The following ARMC3 variants were observed in gnomAD, a reference collection of about 807,000 sequenced individuals.
ARMC3 encodes the protein armadillo repeat-containing protein 3.
A neutral mutation model predicts 90.3 loss-of-function variants in ARMC3; 74 were observed. The observed-to-expected ratio is 0.82, with a 90% confidence interval of 0.68 to 0.99. The LOEUF is 0.99. Among genes scored for constraint, ARMC3 ranks in the 50% least tolerant of loss-of-function variants. The pLI is 0.00. For synonymous variants in ARMC3, 334 were observed against 361.8 expected (o/e 0.92, Z 0.87); for missense variants, 958 against 1,042.8 (o/e 0.92, Z 1.12).
chr10:22,956,058 T>A (rs891067930), intron 4 of ARMC3, 126 bp downstream of exon 4: 6 of 954,660 alleles, frequency 6.3e-6, no homozygotes, highest in South Asian at 5.5e-5. Flanking sequence ...CAAAAACATT[T>A]TATCAGTATA....
chr10:23,010,514 C>T, intron 16 of ARMC3, among the ~76,000 whole-genome samples: 2 of 84,870 alleles, frequency 2.4e-5, no homozygotes, highest in African/African-American at 4.8e-5. Context: ...TCCTTCCCTT[C>T]CCATCTCTCC....
intron 3 of ARMC3, among the ~76,000 whole-genome samples, chr10:22,954,000 C>T (rs1352592248): frequency 6.6e-6 from 1 of 152,136 alleles, no homozygotes; most frequent in Non-Finnish European, 1.5e-5. Flanking sequence ...ATGAGGGTTC[C>T]AGTTTCTCTC....
chr10:22,991,035 A>G lies in ARMC3; in HGVS notation c.1176-7113A>G, dbSNP rs549442646. On this transcript the variant is annotated intron_variant, in intron 10 of 18. Coordinates refer to ENST00000298032, the MANE Select transcript of ARMC3 (RefSeq NM_173081.5). ...TGCCTCCTCCTCCTTCTCATTTTCC[A>G]TTCCCTAAGGAATGATGTCCTAAAG... 2.7e-4 allele frequency among the ~76,000 whole-genome samples: 41 copies of G among 151,056 alleles called. No individual in the cohort carries two copies. The South Asian group carries it at 4.8e-3, about 18-fold the overall frequency.
At chr10:23,021,214 T>G (rs943791526) in intron 16 of ARMC3, among the ~76,000 whole-genome samples, 1 of 152,238 alleles carries the variant, frequency 6.6e-6, no homozygotes, top group African/African-American at 2.4e-5. Flanking sequence ...AAGTCCACTG[T>G]TGATGGACAT....
intron 16 of ARMC3, among the ~76,000 whole-genome samples, chr10:23,018,720 A>G (rs12249666): frequency 0.11 from 16,084 of 151,812 alleles, 1,119 homozygotes; most frequent in African/African-American, 0.2. Context: ...GTTTCACCAC[A>G]TTAGCCAGGA....
rs1021799106 is a variant in ARMC3 at position 22,968,333 on chromosome 10, C to T, written c.760C>T (p.Leu254Phe). Reference sequence around the variant, plus strand: ...ATTGAATGACCTTCATATAGAAGCACTTGCAGTGATAGCCAATTGCCTTGA... The same window carrying T: ...ATTGAATGACCTTCATATAGAAGCATTTGCAGTGATAGCCAATTGCCTTGA... ...KELNDLHIEA[L>F]AVIANCLEDM... Residue 254 changes from leucine to phenylalanine, a missense_variant, in exon 8 of 19, where the codon CTT (leucine) becomes TTT (phenylalanine). Transcript: ENST00000298032. The T allele has an allele frequency of 2.4e-5, 38 of 1,613,976 alleles. No individual in the cohort carries two copies. The highest frequency in any genetic ancestry group is 3.0e-5 in the Non-Finnish European group (35 of 1,179,900).
chr10:23,014,164 G>A (rs1167154732), intron 16 of ARMC3: 1 of 1,483,350 alleles, frequency 6.7e-7, no homozygotes, highest in Non-Finnish European at 8.9e-7. Context: ...GTTGGCATGA[G>A]GAGAACACAG....
chr10:22,955,591 C>T (rs1834900327), intron 3 of ARMC3, among the ~76,000 whole-genome samples: 1 of 152,086 alleles, frequency 6.6e-6, no homozygotes, highest in Non-Finnish European at 1.5e-5. Context: ...GAGCTCAGAA[C>T]TGAAGACAAG....
chr10:22,991,493 CATTAT>C (rs1404672088), intron 10 of ARMC3, among the ~76,000 whole-genome samples: 1 of 151,590 alleles, frequency 6.6e-6, no homozygotes, highest in Non-Finnish European at 1.5e-5. Flanking sequence ...ATGATTCTAC[CATTAT>C]CTGGGTATCC....
chr10:23,034,939 A>G (rs1839067226), intron 18 of ARMC3, among the ~76,000 whole-genome samples: 1 of 152,250 alleles, frequency 6.6e-6, no homozygotes, highest in African/African-American at 2.4e-5. Flanking sequence ...GTATGTGATT[A>G]GTAGCCAGCT....
chr10:22,969,096 C>T (rs1835571785), intron 8 of ARMC3, among the ~76,000 whole-genome samples: 1 of 152,120 alleles, frequency 6.6e-6, no homozygotes, highest in South Asian at 2.1e-4. Context: ...AACCTGAGAG[C>T]ATTGAAGAAA....
intron 10 of ARMC3, among the ~76,000 whole-genome samples, chr10:22,985,621 C>T (rs189042397): frequency 2.6e-5 from 4 of 152,266 alleles, no homozygotes; most frequent in African/African-American, 4.8e-5. Context: ...TTCTCAGAGG[C>T]CATTCCCTAC....
At chr10:22,963,232 T>G (rs1023110846) in intron 7 of ARMC3, among the ~76,000 whole-genome samples, 1 of 152,182 alleles carries the variant, frequency 6.6e-6, no homozygotes, top group African/African-American at 2.4e-5. Flanking sequence ...ATCTATAAAA[T>G]GAAAGTATTG....
At chr10:22,980,104 T>C (rs1156837386) in intron 8 of ARMC3, among the ~76,000 whole-genome samples, 2 of 152,158 alleles carry the variant, frequency 1.3e-5, no homozygotes, top group Non-Finnish European at 2.9e-5. Context: ...TTTCTGAAAA[T>C]ATTTCTGAAA....
At chr10:22,985,750 A>G (rs1273890725) in intron 10 of ARMC3, among the ~76,000 whole-genome samples, 1 of 152,198 alleles carries the variant, frequency 6.6e-6, no homozygotes, top group African/African-American at 2.4e-5. Context: ...CCTTTTACTT[A>G]CAAATGGGCT....
rs138508407 is a variant in ARMC3, at chr10:22,953,457, C to T, written c.167-2350C>T. 4.0e-4 allele frequency among the ~76,000 whole-genome samples: 61 copies of T among 152,178 alleles called. No homozygotes were observed. The East Asian group carries it at 0.011, about 28-fold the overall frequency. ...GATCATCTTAATACATGCAAAACAA[C>T]CTTTTTGGCAAAATCTGACATCCAC... is the stretch of plus-strand genomic sequence containing the variant. On this transcript the variant is annotated intron_variant, in intron 3 of 18. Transcript: ENST00000298032.
intron 2 of ARMC3, among the ~76,000 whole-genome samples, chr10:22,942,861 C>T (rs887068987): frequency 2.0e-5 from 3 of 152,096 alleles, no homozygotes; most frequent in Non-Finnish European, 4.4e-5. Flanking sequence ...TACTGGAATA[C>T]ATTATATAGC....
chr10:23,008,263 T>C lies in ARMC3; in HGVS notation c.1830-13T>C. 1 of 1,309,494 alleles carries C rather than the reference T, an allele frequency of 7.6e-7. No individual in the cohort carries two copies. Among genetic ancestry groups the C allele is most frequent in the Non-Finnish European group, 1.1e-6 (1 of 947,050 alleles). The allele number at this position is 1,309,494 out of a possible 1,614,324, so 81.1% of individuals were successfully genotyped here. On this transcript the variant is annotated splice_polypyrimidine_tract_variant and intron_variant, in intron 14 of 18. Transcript: ENST00000298032. ...TTTAATCTATATATAATTTTAAATGTGTAAAATTTTAGTTCTCCACCTTCA... is the reference window on the plus strand; with the variant it reads ...TTTAATCTATATATAATTTTAAATGCGTAAAATTTTAGTTCTCCACCTTCA...
In ARMC3 at chr10:23,021,124, T is replaced by C. The variant is rs912271941; in HGVS notation, c.2046-9472T>C. 2.0e-5 allele frequency among the ~76,000 whole-genome samples: 3 copies of C among 152,372 alleles called. 1 individual carries two copies. Among genetic ancestry groups the C allele is most frequent in the Admixed American group, 2.0e-4 (3 of 15,304 alleles). On this transcript the variant is annotated intron_variant, in intron 16 of 18. Coordinates refer to ENST00000298032, the MANE Select transcript of ARMC3 (RefSeq NM_173081.5). Reference sequence around the variant, plus strand: ...TAATGACCTCCAGCTGCATCCACGCTGCTGGAAAGGACATGATTTTATTCT... The same window carrying C: ...TAATGACCTCCAGCTGCATCCACGCCGCTGGAAAGGACATGATTTTATTCT...
Sources: gnomAD v4.1 joint callset for allele counts (sites outside exome capture counted in the v4.1 genomes callset) on GRCh38, gnomAD v4.1.1 for gene constraint, MANE v1.5 for transcripts, NCBI Gene and HGNC (gene_info 2026-07-23, HGNC 2026-07-21) for gene names.